Variants in NRCAM observed in about 807,000 individuals in gnomAD.
The protein encoded by NRCAM is NgCAM-related cell adhesion molecule.
NRCAM carries 83 observed loss-of-function variants against 156.5 expected under a neutral mutation model. The ratio of observed to expected loss-of-function variants is 0.53; its 90% CI spans 0.44 to 0.64. The LOEUF (loss-of-function observed/expected upper bound fraction) is 0.64, where lower values mean the gene tolerates loss of function less well. Ranked by LOEUF, NRCAM falls within the 30% of genes least tolerant of loss-of-function variation. The pLI, the probability that NRCAM is intolerant of heterozygous loss-of-function variation, is 0.00. For missense variants in NRCAM, 1,417 were observed against 1,597.3 expected, an observed-to-expected ratio of 0.89 and a Z score of 1.92; for synonymous variants, 538 against 563.9, an observed-to-expected ratio of 0.95 and a Z score of 0.65.
At chr7:108,381,455 G>C (rs1563531543) in intron 2 of NRCAM, among the ~76,000 whole-genome samples, 1 of 152,008 alleles carries the variant, frequency 6.6e-6, no homozygotes, top group African/African-American at 2.4e-5. Context: ...CCTTCACTGT[G>C]TATCCAAGGG....
chr7:108,324,484 G>C (rs1189823739), intron 2 of NRCAM, among the ~76,000 whole-genome samples: 1 of 152,090 alleles, frequency 6.6e-6, no homozygotes, highest in Non-Finnish European at 1.5e-5. Flanking sequence ...GGCCAAATTT[G>C]GGTGTAGTCA....
chr7:108,329,902 T>C lies in NRCAM; in HGVS notation c.-173-17171A>G, dbSNP rs573285611. On this transcript the variant is annotated intron_variant, in intron 2 of 32. Coordinates refer to ENST00000379028, the MANE Select transcript of NRCAM (RefSeq NM_001037132.4). ...AAAACTTGAAAAATGGAAATCATTT[T>C]CTGATTTTCATTCTTTCAAAAGATA... 1.4e-4 allele frequency among the ~76,000 whole-genome samples: 21 copies of C among 152,310 alleles called. No homozygotes were observed. The East Asian group carries it at 3.9e-3, about 28-fold the overall frequency.
At chr7:108,438,705 T>C (rs573399484) in intron 1 of NRCAM, among the ~76,000 whole-genome samples, 1 of 152,260 alleles carries the variant, frequency 6.6e-6, no homozygotes, top group East Asian at 1.9e-4. Context: ...AGAGTCAAAA[T>C]TGTCTTTATT....
At chr7:108,201,058 GCACCAAAATCTCAGAACTTATT>G (rs2077782746) in intron 13 of NRCAM, among the ~76,000 whole-genome samples, 1 of 151,556 alleles carries the variant, frequency 6.6e-6, no homozygotes. Flanking sequence ...GGTGGCCGGT[GCACCAAAATCTCAGAACTTATT>G]CATGTAACCA....
intron 2 of NRCAM, among the ~76,000 whole-genome samples, chr7:108,318,943 G>A (rs1158689576): frequency 2.6e-5 from 4 of 152,192 alleles, no homozygotes; most frequent in African/African-American, 9.7e-5. Context: ...CAAGTGGGAA[G>A]AAAGATTCTA....
At chr7:108,163,194 G>T (rs1386915546) in intron 30 of NRCAM, among the ~76,000 whole-genome samples, 1 of 152,090 alleles carries the variant, frequency 6.6e-6, no homozygotes, top group Non-Finnish European at 1.5e-5. Context: ...TATTATTTGA[G>T]TAATCCACAA....
intron 1 of NRCAM, among the ~76,000 whole-genome samples, chr7:108,413,727 A>G (rs1798164091): frequency 6.6e-6 from 1 of 152,216 alleles, no homozygotes; most frequent in Admixed American, 6.5e-5. Flanking sequence ...AATATTTATC[A>G]AACATTTATT....
intron 30 of NRCAM, among the ~76,000 whole-genome samples, chr7:108,163,493 G>C (rs2050742873): frequency 6.6e-6 from 1 of 152,222 alleles, no homozygotes; most frequent in African/African-American, 2.4e-5. Flanking sequence ...CAAATGCTTA[G>C]ACATCAAACG....
intron 1 of NRCAM, among the ~76,000 whole-genome samples, chr7:108,427,857 C>T (rs1563762415): frequency 6.6e-6 from 1 of 151,494 alleles, no homozygotes; most frequent in Non-Finnish European, 1.5e-5. Context: ...GATTCATTGT[C>T]CTTAACTATT....
intron 2 of NRCAM, among the ~76,000 whole-genome samples, chr7:108,391,804 T>C (rs1248281286): frequency 6.6e-6 from 1 of 152,234 alleles, no homozygotes; most frequent in African/African-American, 2.4e-5. Flanking sequence ...TGCTTGTCAG[T>C]AAAGGATTTT....
At chr7:108,196,683 A>T (rs919594998) in intron 14 of NRCAM, among the ~76,000 whole-genome samples, 1 of 152,230 alleles carries the variant, frequency 6.6e-6, no homozygotes, top group Non-Finnish European at 1.5e-5. Flanking sequence ...AGGAGATCTA[A>T]GTGTTGGCAA....
chr7:108,345,778 T>C (rs1156297397), intron 2 of NRCAM, among the ~76,000 whole-genome samples: 1 of 152,296 alleles, frequency 6.6e-6, no homozygotes, highest in East Asian at 1.9e-4. Flanking sequence ...TAAGTTTCTA[T>C]TGTTTAAGCC....
intron 3 of NRCAM, among the ~76,000 whole-genome samples, chr7:108,278,093 G>A (rs2097709690): frequency 6.6e-6 from 1 of 152,340 alleles, no homozygotes; most frequent in African/African-American, 2.4e-5. Context: ...ATTGCTGCCT[G>A]ATCCTTCCTC....
intron 28 of NRCAM, among the ~76,000 whole-genome samples, chr7:108,169,959 C>T (rs2057432444): frequency 6.6e-6 from 1 of 152,136 alleles, no homozygotes; most frequent in Non-Finnish European, 1.5e-5. Context: ...TTAGTTTCTT[C>T]TTATATTTTA....
chr7:108,299,114 A>G lies in NRCAM; in HGVS notation c.-107+13551T>C, dbSNP rs7456449. 3.5e-3 allele frequency among the ~76,000 whole-genome samples: 89 copies of G among 25,474 alleles called. 1 individual carries two copies. The highest frequency in any genetic ancestry group is 8.7e-3 in the African/African-American group (81 of 9,264). The allele number at this position is 25,474 out of a possible 152,430, so 16.7% of individuals were successfully genotyped here. On this transcript the variant is annotated intron_variant, in intron 3 of 32. Coordinates refer to ENST00000379028, the MANE Select transcript of NRCAM (RefSeq NM_001037132.4). ...GAGCAAGACTCCATCTCAAAAAAAAAAAAGAAAGAAAGAAAGAAAGAAAGA... is the reference window on the plus strand; with the variant it reads ...GAGCAAGACTCCATCTCAAAAAAAAGAAAGAAAGAAAGAAAGAAAGAAAGA...
chr7:108,243,340 TACAGAAG>T (rs1180803561), intron 3 of NRCAM: 1 of 152,170 alleles, frequency 6.6e-6, no homozygotes, highest in Non-Finnish European at 1.5e-5. Context: ...CAAATAGAGC[TACAGAAG>T]ACTGAGATTT....
At chr7:108,325,705 G>T (rs1332517932) in intron 2 of NRCAM, among the ~76,000 whole-genome samples, 2 of 151,722 alleles carry the variant, frequency 1.3e-5, no homozygotes, top group East Asian at 3.9e-4. Context: ...CAGAATGTAG[G>T]ATTTATGAGA....
At chr7:108,215,282 G>A (rs1183221913) in intron 11 of NRCAM, among the ~76,000 whole-genome samples, 6 of 147,084 alleles carry the variant, frequency 4.1e-5, no homozygotes, top group Non-Finnish European at 8.9e-5. Context: ...GTGCGATCTC[G>A]GCTCACTGCA....
intron 3 of NRCAM, among the ~76,000 whole-genome samples, chr7:108,263,424 C>A (rs1426574231): frequency 1.3e-5 from 2 of 152,250 alleles, no homozygotes; most frequent in Non-Finnish European, 2.9e-5. Flanking sequence ...AGTCTGGCCT[C>A]TTCACTAACA....
Sources: allele counts gnomAD v4.1 joint callset (sites outside exome capture counted in the v4.1 genomes callset), GRCh38; gene constraint gnomAD v4.1.1; transcripts MANE v1.5; gene names NCBI Gene and HGNC (gene_info 2026-07-23, HGNC 2026-07-21).